The following SRPK2 variants were observed in gnomAD, a reference collection of about 807,000 sequenced individuals.
SRPK2 encodes the protein SFRS protein kinase 2.
SRPK2 carries 21 observed loss-of-function variants against 90.8 expected under a neutral mutation model. That is an observed-to-expected ratio of 0.23 (90% confidence interval 0.16 to 0.33). SRPK2 has a LOEUF of 0.33. Ranked by LOEUF, SRPK2 falls within the 10% of genes least tolerant of loss-of-function variation. SRPK2 has a pLI of 1.00. For synonymous variants in SRPK2, 288 were observed against 311.1 expected, an observed-to-expected ratio of 0.93 and a Z score of 0.78; for missense variants, 620 against 869.0, an observed-to-expected ratio of 0.71 and a Z score of 3.60.
chr7:105,239,257 T>C (rs1429823254), intron 2 of SRPK2, among the ~76,000 whole-genome samples: 3 of 152,224 alleles, frequency 2.0e-5, no homozygotes, highest in Non-Finnish European at 4.4e-5. Context: ...AACCTTCCTA[T>C]GTTATAAGCG....
At chr7:105,221,111 A>G (rs539551965) in intron 2 of SRPK2, among the ~76,000 whole-genome samples, 10 of 152,362 alleles carry the variant, frequency 6.6e-5, no homozygotes, top group Admixed American at 3.3e-4. Flanking sequence ...TCTCTAAAAC[A>G]TATTACGGAT....
chr7:105,265,031 C>T (rs1804848821), intron 2 of SRPK2, among the ~76,000 whole-genome samples: 1 of 152,104 alleles, frequency 6.6e-6, no homozygotes, highest in Non-Finnish European at 1.5e-5. Flanking sequence ...CGGTAAAGTA[C>T]CTTCTGTTCA....
At chr7:105,377,529 C>G (rs1225683369) in intron 2 of SRPK2, among the ~76,000 whole-genome samples, 1 of 149,822 alleles carries the variant, frequency 6.7e-6, no homozygotes, top group African/African-American at 2.4e-5. Flanking sequence ...CCCATCTCAA[C>G]TGAAAAAAAA....
intron 2 of SRPK2, among the ~76,000 whole-genome samples, chr7:105,205,511 TCTCTCTCACACACACACACACACA>T (rs1358383023): frequency 3.1e-5 from 2 of 64,842 alleles, no homozygotes; most frequent in African/African-American, 1.5e-4. Context: ...TCTCTCTCTC[TCTCTCTCACACACACACACACACA>T]CACACACACA....
chr7:105,214,622 T>G (rs1358671106), intron 2 of SRPK2, among the ~76,000 whole-genome samples: 1 of 152,140 alleles, frequency 6.6e-6, no homozygotes, highest in Non-Finnish European at 1.5e-5. Flanking sequence ...CTAGTCACAA[T>G]AATAAAGTAC....
chr7:105,359,117 G>C (rs1818133323), intron 2 of SRPK2, among the ~76,000 whole-genome samples: 1 of 148,296 alleles, frequency 6.7e-6, no homozygotes, highest in Non-Finnish European at 1.5e-5. Flanking sequence ...CATGAGGCTT[G>C]GAGAGGTCAA....
At chr7:105,125,956 G>A (rs780555176) in intron 15 of SRPK2, 113 of 744,118 alleles carry the variant, frequency 1.5e-4, no homozygotes, top group Middle Eastern at 3.4e-4. Context: ...ACCACCGCCC[G>A]CGCAGACAGA....
At chr7:105,329,258 T>G (rs1813981072) in intron 2 of SRPK2, among the ~76,000 whole-genome samples, 1 of 151,980 alleles carries the variant, frequency 6.6e-6, no homozygotes, top group East Asian at 1.9e-4. Context: ...TACAAATAGA[T>G]CTGAAAAATG....
chr7:105,323,519 T>C (rs1013364997), intron 2 of SRPK2, among the ~76,000 whole-genome samples: 1 of 152,210 alleles, frequency 6.6e-6, no homozygotes, highest in Non-Finnish European at 1.5e-5. Context: ...AGGCAGTCTA[T>C]TACTTTTGCA....
intron 2 of SRPK2, among the ~76,000 whole-genome samples, chr7:105,323,232 A>G (rs1813141690): frequency 6.6e-6 from 1 of 152,168 alleles, no homozygotes; most frequent in South Asian, 2.1e-4. Flanking sequence ...GTAAGAATAT[A>G]CATTTACATA....
chr7:105,136,158 GT>G (rs1802774399), intron 11 of SRPK2, among the ~76,000 whole-genome samples: 1 of 152,202 alleles, frequency 6.6e-6, no homozygotes, highest in Non-Finnish European at 1.5e-5. Context: ...CCTGGTTCGG[GT>G]TTGTAAACAG....
intron 3 of SRPK2, among the ~76,000 whole-genome samples, chr7:105,169,906 C>A (rs1438964428): frequency 2.6e-5 from 4 of 152,250 alleles, no homozygotes; most frequent in Admixed American, 2.6e-4. Context: ...ACCTCTGATT[C>A]CCAGGCTGAA....
intron 2 of SRPK2, among the ~76,000 whole-genome samples, chr7:105,331,876 T>C (rs559047460): frequency 1.3e-5 from 2 of 152,216 alleles, no homozygotes; most frequent in South Asian, 2.1e-4. Context: ...ACTCGCACCT[T>C]GGCCAGGCAC....
At position 105,374,574 on chromosome 7, in the gene SRPK2, A is replaced by C. The variant is rs187726094; in HGVS notation, c.71+14074T>G. ...CAAATTAGAATGTTAGTCATTAATAATTAGTTATGAAGTTTTTAAAGACAT... is the reference window on the plus strand; with the variant it reads ...CAAATTAGAATGTTAGTCATTAATACTTAGTTATGAAGTTTTTAAAGACAT... On this transcript the variant is annotated intron_variant, in intron 2 of 15. Transcript: ENST00000393651. Among the ~76,000 whole-genome samples, 508 of 152,348 alleles carry C rather than the reference A, an allele frequency of 3.3e-3. 3 individuals carry two copies. The highest frequency in any genetic ancestry group is 0.012 in the African/African-American group (485 of 41,588).
At chr7:105,191,535 G>A (rs1170210216) in intron 3 of SRPK2, among the ~76,000 whole-genome samples, 4 of 152,114 alleles carry the variant, frequency 2.6e-5, no homozygotes, top group Non-Finnish European at 5.9e-5. Context: ...TCCAGCCTAC[G>A]CAATAGAATG....
intron 3 of SRPK2, among the ~76,000 whole-genome samples, chr7:105,172,933 AC>A (rs1791341536): frequency 1.3e-5 from 2 of 152,242 alleles, no homozygotes; most frequent in African/African-American, 4.8e-5. Context: ...CGAAGTGTAT[AC>A]ATGTGAGCAA....
chr7:105,296,786 A>C (rs900782169), intron 2 of SRPK2, among the ~76,000 whole-genome samples: 10 of 152,220 alleles, frequency 6.6e-5, no homozygotes, highest in Admixed American at 6.5e-5. Context: ...CTTACTACTT[A>C]TTAGCTCATT....
At chr7:105,359,222 G>C (rs543285994) in intron 2 of SRPK2, among the ~76,000 whole-genome samples, 3 of 140,540 alleles carry the variant, frequency 2.1e-5, no homozygotes, top group African/African-American at 7.9e-5. Flanking sequence ...GCAATGGCGC[G>C]ATCTTGGCTC....
At chr7:105,378,478 A>C (rs770217863) in intron 2 of SRPK2, among the ~76,000 whole-genome samples, 3 of 152,078 alleles carry the variant, frequency 2.0e-5, no homozygotes, top group Non-Finnish European at 4.4e-5. Flanking sequence ...ATATGAAAAG[A>C]TGTTGGCTGG....
Sources: allele counts gnomAD v4.1 joint callset (sites outside exome capture counted in the v4.1 genomes callset), GRCh38; gene constraint gnomAD v4.1.1; transcripts MANE v1.5; gene names NCBI Gene and HGNC (gene_info 2026-07-23, HGNC 2026-07-21).